Variants in DEDD2 observed in about 807,000 individuals in gnomAD.
DEDD2 encodes DNA-binding death effector domain-containing protein 2.
In DEDD2, 18 loss-of-function variants were observed where a neutral mutation model predicts 28.9. The ratio of observed to expected loss-of-function variants is 0.62; its 90% CI spans 0.43 to 0.92. DEDD2 has a LOEUF of 0.92. Among genes scored for constraint, DEDD2 ranks in the 40% least tolerant of loss-of-function variants. The pLI is 0.00. For missense variants in DEDD2, 411 were observed against 463.3 expected (o/e 0.89, Z 1.04); for synonymous variants, 211 against 206.1 (o/e 1.02, Z -0.20).
chr19:42,209,833 G>T lies in DEDD2; in HGVS notation c.456C>A (p.Pro152=), dbSNP rs765983485. ...SQQGQWETGS[P]PTKRQRRSRG... is the part of the protein sequence containing the mutation. ...GACTCCGCCGCTGCCGCTTGGTTGG[G>T]GGGGAGCCTGAGGGGAAAAAAATGG... The change falls in exon 4 of 5, where the codon CCC becomes CCA. Residue 152 remains proline, a synonymous_variant. Transcript: ENST00000596251. 5.2e-6 allele frequency: 8 copies of T among 1,534,312 alleles called. No individual in the cohort carries two copies. The highest frequency in any genetic ancestry group is 7.0e-6 in the Non-Finnish European group (8 of 1,141,956).
chr19:42,209,885 T>G, intron 3 of DEDD2, 45 bp from the exon 4 acceptor site: 1 of 1,486,620 alleles, frequency 6.7e-7, no homozygotes, highest in South Asian at 1.3e-5. Flanking sequence ...GGATGACAGC[T>G]AGAGTGCCCA....
chr19:42,211,004 A>T (rs899593036), intron 3 of DEDD2, among the ~76,000 whole-genome samples: 1 of 145,438 alleles, frequency 6.9e-6, no homozygotes, highest in African/African-American at 2.5e-5. Context: ...CAGGAGCTGG[A>T]GGCTGCAGTG....
chr19:42,220,131 A>G (rs2036103591), upstream of DEDD2: 1 of 152,282 alleles, frequency 6.6e-6, no homozygotes. Context: ...GGAGCGACCC[A>G]GAGAAATGCG....
At chr19:42,205,445 C>T (rs1161795800) in intron 4 of DEDD2, among the ~76,000 whole-genome samples, 1 of 151,964 alleles carries the variant, frequency 6.6e-6, no homozygotes, top group African/African-American at 2.4e-5. Flanking sequence ...GCCTGACCAA[C>T]ATGGAGAAAC....
intron 4 of DEDD2, chr19:42,201,827 C>G (rs1026148079): frequency 1.0e-5 from 4 of 394,456 alleles, no homozygotes; most frequent in Non-Finnish European, 1.8e-5. Flanking sequence ...TCTACCCAGA[C>G]GACCAGATCC....
chr19:42,210,508 C>T (rs1267433448), intron 3 of DEDD2, among the ~76,000 whole-genome samples: 1 of 152,048 alleles, frequency 6.6e-6, no homozygotes, highest in Non-Finnish European at 1.5e-5. Context: ...ATTCTCCTGC[C>T]TCAGGTTCCC....
intron 4 of DEDD2, among the ~76,000 whole-genome samples, chr19:42,200,064 T>TGC (rs1340484590): frequency 1.3e-5 from 2 of 152,132 alleles, no homozygotes; most frequent in African/African-American, 4.8e-5. Context: ...GGGGTGCTCT[T>TGC]TCCCTGGATC....
rs1192447179 is a variant in DEDD2, at chr19:42,215,362, CA to C, written c.329-111del. 3 of 1,347,688 alleles carry C rather than the reference CA, an allele frequency of 2.2e-6. No individual in the cohort carries two copies. In the Admixed American group the frequency reaches 6.0e-5, roughly 27 times the overall value. 83.5% of individuals were successfully genotyped at this position (1,347,688 alleles called of 1,614,324 possible). ...CCTAAGTTCCCCAGTAGTCAGAGCC[CA>C]AATACCCACTCATTCTCAAACACCT... On this transcript the variant is annotated intron_variant, in intron 2 of 4. Transcript: ENST00000596251.
intron 2 of DEDD2, 76 bp from the exon 3 acceptor site, chr19:42,215,328 C>A: frequency 6.3e-7 from 1 of 1,577,660 alleles, no homozygotes; most frequent in Non-Finnish European, 8.7e-7. Context: ...ATGCCTGCAC[C>A]ACGAGGTGCC....
chr19:42,203,404 GGAGA>G (rs2035408742), intron 4 of DEDD2, among the ~76,000 whole-genome samples: 3 of 152,192 alleles, frequency 2.0e-5, no homozygotes, highest in Admixed American at 2.0e-4. Context: ...GGCATTCTCA[GGAGA>G]GATGAGCATT....
At chr19:42,215,649 C>T (rs1021330836) in intron 2 of DEDD2, among the ~76,000 whole-genome samples, 1 of 152,208 alleles carries the variant, frequency 6.6e-6, no homozygotes, top group African/African-American at 2.4e-5. Context: ...GCTGTCAGCT[C>T]TTCCCTAGAG....
intron 2 of DEDD2, 42 bp from the exon 3 acceptor site, chr19:42,215,294 G>A (rs372512934): frequency 3.1e-6 from 5 of 1,605,680 alleles, no homozygotes; most frequent in Non-Finnish European, 4.3e-6. Context: ...CAGCCTCCTG[G>A]CCCTAATTCC....
At position 42,200,046 on chromosome 19, in the gene DEDD2, C is replaced by T. The variant is rs528105300; in HGVS notation, c.590-217G>A. 1.6e-4 allele frequency among the ~76,000 whole-genome samples: 24 copies of T among 152,306 alleles called. No individual in the cohort carries two copies. The East Asian group carries it at 1.7e-3, about 11-fold the overall frequency. ...TCCTCACTGCTCCAACAAGCCTCCC[C>T]ACCGCCAGGGGTGCTCTTTCCCTGG... is the stretch of plus-strand genomic sequence containing the variant. On this transcript the variant is annotated intron_variant, in intron 4 of 4. Transcript: ENST00000596251.
At chr19:42,210,514 T>C (rs1172806398) in intron 3 of DEDD2, among the ~76,000 whole-genome samples, 1 of 151,902 alleles carries the variant, frequency 6.6e-6, no homozygotes, top group South Asian at 2.1e-4. Context: ...CTGCCTCAGG[T>C]TCCCAAGTAA....
At position 42,215,134 on chromosome 19, in the gene DEDD2, T is replaced by C. The variant is rs1229658919; in HGVS notation, c.447A>G (p.Thr149=). 9.9e-6 allele frequency: 16 copies of C among 1,613,896 alleles called. No homozygotes were observed. The highest frequency in any genetic ancestry group is 1.4e-5 in the Non-Finnish European group (16 of 1,180,000). The change falls in exon 3 of 5, where the codon ACA becomes ACG. Residue 149 remains threonine, a splice_region_variant and synonymous_variant. Transcript: ENST00000596251. The part of the protein sequence containing the change: ...SANSQQGQWE[T]GSPPTKRQRR... ...TTACACCCACCCAGCTGGGCTCACC[T>C]GTCTCCCACTGACCCTGCTGAGAAT... is the stretch of plus-strand genomic sequence containing the variant.
At chr19:42,202,257 G>A (rs943631146) in intron 4 of DEDD2, among the ~76,000 whole-genome samples, 2 of 152,158 alleles carry the variant, frequency 1.3e-5, no homozygotes, top group Non-Finnish European at 1.5e-5. Flanking sequence ...TCTCTCTCAC[G>A]GGTCCCTAAG....
chr19:42,214,119 T>C (rs957664215), intron 3 of DEDD2, among the ~76,000 whole-genome samples: 46 of 152,356 alleles, frequency 3.0e-4, no homozygotes, highest in African/African-American at 9.9e-4. Flanking sequence ...AGATGTTAAC[T>C]GTACTAATCT....
intron 4 of DEDD2, among the ~76,000 whole-genome samples, chr19:42,205,863 G>A (rs558739225): frequency 1.4e-4 from 22 of 152,026 alleles, no homozygotes; most frequent in Admixed American, 1.3e-3. Flanking sequence ...CAGGTGAATC[G>A]CTTTGAGCTC....
At chr19:42,203,188 A>G (rs1281168248) in intron 4 of DEDD2, among the ~76,000 whole-genome samples, 3 of 152,108 alleles carry the variant, frequency 2.0e-5, no homozygotes, top group South Asian at 2.1e-4. Flanking sequence ...AACTACCCCT[A>G]TCCTGTTGGC....
Sources: gnomAD v4.1 joint callset for allele counts (sites outside exome capture counted in the v4.1 genomes callset) on GRCh38, gnomAD v4.1.1 for gene constraint, MANE v1.5 for transcripts, NCBI Gene and HGNC (gene_info 2026-07-23, HGNC 2026-07-21) for gene names.